CYTH3: variants seen among roughly 807,000 people sequenced by gnomAD.
CYTH3 encodes the protein cytohesin-3.
A neutral mutation model predicts 55.1 loss-of-function variants in CYTH3; 23 were observed. That is an observed-to-expected ratio of 0.42 (90% CI 0.30 to 0.59). The LOEUF is 0.59. Ranked by LOEUF, CYTH3 falls within the 20% of genes least tolerant of loss-of-function variation. The pLI is 0.20. For missense variants in CYTH3, 413 were observed against 524.8 expected (o/e 0.79, Z 2.08); for synonymous variants, 249 against 194.9 (o/e 1.28, Z -2.31).
At chr7:6,226,885 C>G (rs1779268731) in intron 1 of CYTH3, among the ~76,000 whole-genome samples, 1 of 152,082 alleles carries the variant, frequency 6.6e-6, no homozygotes, top group African/African-American at 2.4e-5. Context: ...TCGAGACCAT[C>G]CTGGCTAACA....
intron 4 of CYTH3, among the ~76,000 whole-genome samples, chr7:6,184,740 A>G (rs113382896): frequency 0.07 from 10,577 of 152,016 alleles, 798 homozygotes; most frequent in African/African-American, 0.19. Flanking sequence ...CACCACGCCC[A>G]GCTAATTTTG....
chr7:6,186,979 A>T, intron 4 of CYTH3, 71 bp downstream of exon 4: 1 of 1,512,486 alleles, frequency 6.6e-7, no homozygotes, highest in Non-Finnish European at 9.2e-7. Flanking sequence ...ACCTCTGTCC[A>T]AAAGGGAAAC....
rs760074285 is a variant in CYTH3 at position 6,170,605 on chromosome 7, C to G, written c.753G>C (p.Pro251=). 5 of 1,614,006 alleles carry G rather than the reference C, an allele frequency of 3.1e-6. No homozygotes were observed. The Admixed American group carries it at 8.3e-5, about 27-fold the overall frequency. Residue 251 remains proline (P), a synonymous_variant, in exon 9 of 13, where the codon CCG becomes CCC. Coordinates refer to ENST00000350796, the MANE Select transcript of CYTH3 (RefSeq NM_004227.4). This position sits in a 1 kb window ranked among gnomAD's most constrained non-coding sequence, Gnocchi z 7.8. The part of the protein sequence containing the change: ...ESIKNEPFKI[P]EDDGNDLTHT... The stretch of plus-strand genomic sequence containing the variant: ...GGGTCAGGTCGTTCCCGTCGTCCTC[C>G]GGGATCTTAAATGGCTCGTTCTTAA...
At position 6,192,529 on chromosome 7, in the gene CYTH3, A is replaced by ATTTTT. The variant is rs36036670; in HGVS notation, c.35-2003_35-1999dup. On this transcript the variant is annotated intron_variant, in intron 1 of 12. Transcript: ENST00000350796. ...AGCCACTGTGCCCAGCCACAAGTCA[A>ATTTTT]TTTTTTTTTTTTTTTTTTTTTGAGA... 6.1e-3 allele frequency among the ~76,000 whole-genome samples: 682 copies of ATTTTT among 111,294 alleles called. 24 individuals carry two copies. Among genetic ancestry groups the ATTTTT allele is most frequent in the African/African-American group, 0.022 (607 of 27,446 alleles). 73.0% of individuals were successfully genotyped at this position (111,294 alleles called of 152,430 possible).
At chr7:6,245,858 C>T (rs894205976) in intron 1 of CYTH3, among the ~76,000 whole-genome samples, 10 of 152,142 alleles carry the variant, frequency 6.6e-5, no homozygotes, top group African/African-American at 2.2e-4. Context: ...GAGCCGAGAT[C>T]GTGCCACTGC....
intron 1 of CYTH3, among the ~76,000 whole-genome samples, chr7:6,196,456 C>CTTTTTTTTTT (rs5882084): frequency 5.3e-5 from 6 of 113,984 alleles, no homozygotes; most frequent in Admixed American, 9.3e-5. Context: ...TTCTTTTTTT[C>CTTTTTTTTTT]TTTTTTTTTT....
chr7:6,259,821 TA>T (rs1483483492), intron 1 of CYTH3, among the ~76,000 whole-genome samples: 409 of 26,588 alleles, frequency 0.015, 16 homozygotes, highest in African/African-American at 0.027. Context: ...ATAATATATA[TA>T]TATATATATA....
chr7:6,239,845 C>T (rs756031749), intron 1 of CYTH3, among the ~76,000 whole-genome samples: 14 of 152,104 alleles, frequency 9.2e-5, no homozygotes, highest in Non-Finnish European at 1.8e-4. Context: ...AAAACTAACA[C>T]ACTTGAATGG....
chr7:6,185,958 G>A (rs928019131), intron 4 of CYTH3, among the ~76,000 whole-genome samples: 68 of 151,816 alleles, frequency 4.5e-4, no homozygotes, highest in African/African-American at 1.3e-3. Context: ...AGTACAGACC[G>A]ACTGGGCCAG....
At chr7:6,259,818 ATATATATATATATATTT>A in intron 1 of CYTH3, among the ~76,000 whole-genome samples, 2 of 25,886 alleles carry the variant, frequency 7.7e-5, no homozygotes, top group African/African-American at 4.2e-4. Flanking sequence ...TATATAATAT[ATATATATATATATATTT>A]TTTTTTTTTT....
At chr7:6,229,035 C>T (rs558427583) in intron 1 of CYTH3, among the ~76,000 whole-genome samples, 108 of 152,286 alleles carry the variant, frequency 7.1e-4, no homozygotes, top group African/African-American at 2.5e-3. Context: ...AAGATAACCA[C>T]ACCCCCTCTG....
At chr7:6,250,043 T>C (rs1012394860) in intron 1 of CYTH3, among the ~76,000 whole-genome samples, 2 of 152,202 alleles carry the variant, frequency 1.3e-5, no homozygotes, top group Non-Finnish European at 2.9e-5. Context: ...TTCCCTGTCA[T>C]TTGTCGAGAT....
At chr7:6,203,230 A>C (rs1164900957) in intron 1 of CYTH3, among the ~76,000 whole-genome samples, 1 of 152,188 alleles carries the variant, frequency 6.6e-6, no homozygotes, top group Non-Finnish European at 1.5e-5. Flanking sequence ...TTACCAACAC[A>C]ATAGCAAGCT....
At chr7:6,252,805 T>C (rs1264132531) in intron 1 of CYTH3, among the ~76,000 whole-genome samples, 1 of 152,248 alleles carries the variant, frequency 6.6e-6, no homozygotes, top group Non-Finnish European at 1.5e-5. Flanking sequence ...AAATATAGTT[T>C]GTCTTACTAA....
At chr7:6,234,893 C>T (rs1483123663) in intron 1 of CYTH3, among the ~76,000 whole-genome samples, 1 of 152,140 alleles carries the variant, frequency 6.6e-6, no homozygotes, top group Non-Finnish European at 1.5e-5. Context: ...TGAGACGTGG[C>T]CCAAGTTGGT....
At chr7:6,240,086 G>C (rs1049462473) in intron 1 of CYTH3, among the ~76,000 whole-genome samples, 1 of 151,918 alleles carries the variant, frequency 6.6e-6, no homozygotes, top group Non-Finnish European at 1.5e-5. Context: ...CAGGTGGATC[G>C]CGTGAGGTCA....
chr7:6,268,115 A>G (rs1780551111), intron 1 of CYTH3, among the ~76,000 whole-genome samples: 1 of 152,066 alleles, frequency 6.6e-6, no homozygotes, highest in Non-Finnish European at 1.5e-5. Context: ...CTCCTCTTTC[A>G]AAACACAAGA....
chr7:6,221,173 T>C (rs1161843590), intron 1 of CYTH3, among the ~76,000 whole-genome samples: 1 of 152,074 alleles, frequency 6.6e-6, no homozygotes, highest in Non-Finnish European at 1.5e-5. Flanking sequence ...AATAGGTGGA[T>C]GGAGAAATAA....
intron 1 of CYTH3, among the ~76,000 whole-genome samples, chr7:6,216,817 T>C: frequency 7.7e-6 from 1 of 129,064 alleles, no homozygotes. Flanking sequence ...TTCTAAAAAA[T>C]CTTCAAGTAA....
Sources: gnomAD v4.1 joint callset for allele counts (sites outside exome capture counted in the v4.1 genomes callset) on GRCh38, gnomAD v4.1.1 for gene constraint, Gnocchi (gnomAD v3.1) non-coding constraint, MANE v1.5 for transcripts, NCBI Gene and HGNC (gene_info 2026-07-23, HGNC 2026-07-21) for gene names.